Variants in TOP1 observed in about 807,000 individuals in gnomAD.
The protein encoded by TOP1 is DNA topoisomerase I.
In TOP1, 10 loss-of-function variants were observed where a neutral mutation model predicts 111.1. The ratio of observed to expected loss-of-function variants is 0.09; its 90% CI spans 0.06 to 0.15. The LOEUF is 0.15. TOP1 is among the 10% of genes least tolerant of loss of function. TOP1 has a pLI of 1.00. For synonymous variants in TOP1, 271 were observed against 302.9 expected, an observed-to-expected ratio of 0.89 and a Z score of 1.10; for missense variants, 474 against 926.7, an observed-to-expected ratio of 0.51 and a Z score of 6.34.
At position 41,121,641 on chromosome 20, in the gene TOP1, G is replaced by A. The variant is rs1484038689; in HGVS notation, c.1951-55G>A. 7.1e-7 allele frequency: 1 copy of A among 1,415,330 alleles called. No individual in the cohort carries two copies. The highest frequency in any genetic ancestry group is 1.0e-6 in the Non-Finnish European group (1 of 999,846). 87.7% of individuals were successfully genotyped at this position (1,415,330 alleles called of 1,614,324 possible). A position where few individuals can be genotyped will look rare whatever the true frequency, so the allele number is the denominator to read the frequency against. The stretch of plus-strand genomic sequence containing the variant: ...ATAACATCTTGGTTTCACCTTCTCA[G>A]GTGGAGCCATTTTTCCTCTACAGCT... On this transcript the variant is annotated intron_variant, in intron 18 of 20. Coordinates refer to ENST00000361337, the MANE Select transcript of TOP1 (RefSeq NM_003286.4). The surrounding 1 kb of genome is among the most constrained non-coding windows in gnomAD (Gnocchi z 4.2).
At chr20:41,075,521 G>A (rs915352175) in intron 3 of TOP1, among the ~76,000 whole-genome samples, 8 of 152,220 alleles carry the variant, frequency 5.3e-5, no homozygotes, top group African/African-American at 1.9e-4. Context: ...TAAATTTCCA[G>A]GAGCTTGATC....
chr20:41,036,379 G>T (rs1340853091), intron 2 of TOP1, among the ~76,000 whole-genome samples: 1 of 152,122 alleles, frequency 6.6e-6, no homozygotes, highest in Non-Finnish European at 1.5e-5. Flanking sequence ...CCGAAAAATC[G>T]AGATAAGTCC....
chr20:41,096,177 A>G (rs984086520), intron 9 of TOP1, among the ~76,000 whole-genome samples: 1 of 152,022 alleles, frequency 6.6e-6, no homozygotes, highest in African/African-American at 2.4e-5. Flanking sequence ...AGCGATTCTC[A>G]TGCCTCAGCC....
chr20:41,076,125 G>A, intron 3 of TOP1, 46 bp from the exon 4 acceptor site: 1 of 1,571,582 alleles, frequency 6.4e-7, no homozygotes, highest in South Asian at 1.2e-5. Context: ...ACGAATCCTT[G>A]TGGTCCCTAC....
chr20:41,029,257 C>G lies in TOP1; in HGVS notation c.33+157C>G, dbSNP rs1023257526. On this transcript the variant is annotated intron_variant, in intron 1 of 20. Transcript: ENST00000361337. The surrounding 1 kb of genome is among the most constrained non-coding windows in gnomAD (Gnocchi z 6.1). ...CGGAGTAGATCGGCTCGCTAGGCCG[C>G]GAGCGAGGGCCGCGAAGTTACAGTT... Among the ~76,000 whole-genome samples the G allele has an allele frequency of 6.6e-6, 1 of 152,016 alleles. No homozygotes were observed. The highest frequency in any genetic ancestry group is 1.5e-5 in the Non-Finnish European group (1 of 67,952).
rs1230572843 is a variant in TOP1, at chr20:41,094,214, T to C, written c.730+1627T>C. 6.6e-6 allele frequency among the ~76,000 whole-genome samples: 1 copy of C among 152,214 alleles called. No homozygotes were observed. Among genetic ancestry groups the C allele is most frequent in the East Asian group, 1.9e-4 (1 of 5,196 alleles). On this transcript the variant is annotated intron_variant, in intron 9 of 20. Transcript: ENST00000361337. The surrounding 1 kb of genome is among the most constrained non-coding windows in gnomAD (Gnocchi z 4.4). ...TAATCTCAGAGGCAAATGCTTATGTTATGTAAACATTTTGACCTGTTGACC... is the reference window on the plus strand; with the variant it reads ...TAATCTCAGAGGCAAATGCTTATGTCATGTAAACATTTTGACCTGTTGACC...
intron 2 of TOP1, among the ~76,000 whole-genome samples, chr20:41,054,025 A>G (rs2145922924): frequency 6.6e-6 from 1 of 152,300 alleles, no homozygotes; most frequent in Admixed American, 6.5e-5. Flanking sequence ...AGTATCTTAG[A>G]TTTGAGGAAA....
chr20:41,041,909 T>TG (rs547289483), intron 2 of TOP1, among the ~76,000 whole-genome samples: 33,777 of 141,132 alleles, frequency 0.24, 5,398 homozygotes, highest in African/African-American at 0.48. Context: ...TGATGATGAT[T>TG]ATTATTATTA....
intron 2 of TOP1, among the ~76,000 whole-genome samples, chr20:41,053,199 T>C (rs1350324775): frequency 6.6e-6 from 1 of 152,240 alleles, no homozygotes; most frequent in African/African-American, 2.4e-5. Context: ...AACTCATTTC[T>C]TGCTGCAGCG....
chr20:41,079,925 G>C lies in TOP1; in HGVS notation c.336-160G>C, dbSNP rs1349917007. 1.3e-5 allele frequency among the ~76,000 whole-genome samples: 2 copies of C among 152,218 alleles called. No homozygotes were observed. Among genetic ancestry groups the C allele is most frequent in the Non-Finnish European group, 2.9e-5 (2 of 68,038 alleles). The stretch of plus-strand genomic sequence containing the variant: ...AGGACAAATACTATCTACTTCACAG[G>C]ATTGAAGTGAGAAAAAGTGCTCACA... On this transcript the variant is annotated intron_variant, in intron 5 of 20. Transcript: ENST00000361337. The surrounding 1 kb of genome is among the most constrained non-coding windows in gnomAD (Gnocchi z 4.0).
Position 41,029,749 on chromosome 20 carries a change from G to A in TOP1, c.58+294G>A. On this transcript the variant is annotated intron_variant, in intron 2 of 20. Transcript: ENST00000361337. The surrounding 1 kb of genome is among the most constrained non-coding windows in gnomAD (Gnocchi z 6.1). Reference sequence around the variant, plus strand: ...TTCCTCCCGGGAAAGTCGCCTTGTCGACGGTCGGGACTTAGTCTCTGCGCC... The same window carrying A: ...TTCCTCCCGGGAAAGTCGCCTTGTCAACGGTCGGGACTTAGTCTCTGCGCC... 1.9e-6 allele frequency: 1 copy of A among 513,364 alleles called. No individual in the cohort carries two copies. The highest frequency in any genetic ancestry group is 3.5e-6 in the Non-Finnish European group (1 of 284,190). 31.8% of individuals were successfully genotyped at this position (513,364 alleles called of 1,614,324 possible).
At chr20:41,045,734 A>G (rs1013418669) in intron 2 of TOP1, among the ~76,000 whole-genome samples, 1 of 152,240 alleles carries the variant, frequency 6.6e-6, no homozygotes, top group Admixed American at 6.5e-5. Context: ...GTTATCAGTA[A>G]TAAGTCAATA....
chr20:41,107,637 C>T (rs1377078017), intron 13 of TOP1, among the ~76,000 whole-genome samples: 1 of 152,166 alleles, frequency 6.6e-6, no homozygotes, highest in Non-Finnish European at 1.5e-5. Flanking sequence ...ACTAAACATA[C>T]TCACTTGAAA....
chr20:41,121,964 A>G lies in TOP1; in HGVS notation c.2046-42A>G, dbSNP rs1002023725. 1 of 1,610,254 alleles carries G rather than the reference A, an allele frequency of 6.2e-7. No individual in the cohort carries two copies. Among genetic ancestry groups the G allele is most frequent in the Non-Finnish European group, 8.5e-7 (1 of 1,178,312 alleles). On this transcript the variant is annotated intron_variant, in intron 19 of 20. Transcript: ENST00000361337. The surrounding 1 kb of genome is among the most constrained non-coding windows in gnomAD (Gnocchi z 4.2). ...GGATGGGTACAGTGTGCTCTTGTCTAGAGCCCAGGCCTGGTTCTTGAGGAC... is the reference window on the plus strand; with the variant it reads ...GGATGGGTACAGTGTGCTCTTGTCTGGAGCCCAGGCCTGGTTCTTGAGGAC...
rs944138751 is a variant in TOP1 at position 41,058,145 on chromosome 20, G to A, written c.59-3249G>A. Among the ~76,000 whole-genome samples, 10 of 152,296 alleles carry A rather than the reference G, an allele frequency of 6.6e-5. No homozygotes were observed. Among genetic ancestry groups the A allele is most frequent in the Middle Eastern group, 6.8e-3 (2 of 294 alleles). ...TTACAGTTAGTACTACGGTCATGCAGATTTCTATTTTCCCAGGGCCTGACA... is the reference window on the plus strand; with the variant it reads ...TTACAGTTAGTACTACGGTCATGCAAATTTCTATTTTCCCAGGGCCTGACA... On this transcript the variant is annotated intron_variant, in intron 2 of 20. Transcript: ENST00000361337. This position sits in a 1 kb window ranked among gnomAD's most constrained non-coding sequence, Gnocchi z 4.2.
In TOP1 at chr20:41,118,182, C is replaced by T. The variant is rs759261300; in HGVS notation, c.1836C>T (p.Ile612=). 1.2e-6 allele frequency: 2 copies of T among 1,614,034 alleles called. No individual in the cohort carries two copies. Among genetic ancestry groups the T allele is most frequent in the Non-Finnish European group, 1.7e-6 (2 of 1,179,926 alleles). ...LKELTAPDEN[I]PAKILSYNRA... ...CTTTCTTTACAGCGGATGAGAACAT[C>T]CCAGCGAAGATCCTTTCTTATAACC... The change falls in exon 18 of 21, where the codon ATC becomes ATT. Residue 612 remains isoleucine (I), a synonymous_variant. Coordinates refer to ENST00000361337, the MANE Select transcript of TOP1 (RefSeq NM_003286.4). The surrounding 1 kb of genome is among the most constrained non-coding windows in gnomAD (Gnocchi z 4.6).
Position 41,118,527 on chromosome 20 carries a change from G to A in TOP1, c.1950+231G>A, listed in dbSNP as rs1358905834. 6.6e-6 allele frequency among the ~76,000 whole-genome samples: 1 copy of A among 152,116 alleles called. No homozygotes were observed. The highest frequency in any genetic ancestry group is 1.9e-4 in the East Asian group (1 of 5,200). On this transcript the variant is annotated intron_variant, in intron 18 of 20. Coordinates refer to ENST00000361337, the MANE Select transcript of TOP1 (RefSeq NM_003286.4). The surrounding 1 kb of genome is among the most constrained non-coding windows in gnomAD (Gnocchi z 4.6). ...TTCTACGCATAGAAGTTCTATACTGGCCACTCCCTATTTTGAAAAACTAAC... is the reference window on the plus strand; with the variant it reads ...TTCTACGCATAGAAGTTCTATACTGACCACTCCCTATTTTGAAAAACTAAC...
At chr20:41,059,538 C>T (rs887711499) in intron 2 of TOP1, among the ~76,000 whole-genome samples, 2 of 151,556 alleles carry the variant, frequency 1.3e-5, no homozygotes, top group Admixed American at 6.6e-5. Context: ...CCCAGGAGTT[C>T]GAGAGGAGCC....
rs2033767229 is a variant in TOP1, at chr20:41,079,717, T to G, written c.336-368T>G. 6.6e-6 allele frequency among the ~76,000 whole-genome samples: 1 copy of G among 152,214 alleles called. No individual in the cohort carries two copies. Among genetic ancestry groups the G allele is most frequent in the African/African-American group, 2.4e-5 (1 of 41,456 alleles). ...CTTTTAGAGTACTGGAACAATCAGT[T>G]CAGATTGTGGGGTCAAATATATGGT... On this transcript the variant is annotated intron_variant, in intron 5 of 20. Coordinates refer to ENST00000361337, the MANE Select transcript of TOP1 (RefSeq NM_003286.4). The surrounding 1 kb of genome is among the most constrained non-coding windows in gnomAD (Gnocchi z 4.0).
Sources: allele counts gnomAD v4.1 joint callset (sites outside exome capture counted in the v4.1 genomes callset), GRCh38; gene constraint gnomAD v4.1.1; non-coding constraint Gnocchi (gnomAD v3.1); transcripts MANE v1.5; gene names NCBI Gene and HGNC (gene_info 2026-07-23, HGNC 2026-07-21).